The following DZIP3 variants were observed in gnomAD, a reference collection of about 807,000 sequenced individuals.
DZIP3 encodes E3 ubiquitin-protein ligase DZIP3.
In DZIP3, 118 loss-of-function variants were observed where a neutral mutation model predicts 162.0. The ratio of observed to expected loss-of-function variants is 0.73; its 90% confidence interval spans 0.63 to 0.85. DZIP3 has a LOEUF of 0.85. Ranked by LOEUF, DZIP3 falls within the 40% of genes least tolerant of loss-of-function variation. DZIP3 has a pLI of 0.00. For synonymous variants in DZIP3, 438 were observed against 458.6 expected, an observed-to-expected ratio of 0.96 and a Z score of 0.57; for missense variants, 1,331 against 1,407.0, an observed-to-expected ratio of 0.95 and a Z score of 0.86.
chr3:108,656,712 G>A lies in DZIP3; in HGVS notation c.2199+2402G>A, dbSNP rs536570744. On this transcript the variant is annotated intron_variant, in intron 19 of 32. Transcript: ENST00000361582. ...TACTCCGAGCTAAAGGAGGAAGTTCGAACCCATGGCAAAGAAATTAAAAAC... is the reference window on the plus strand; with the variant it reads ...TACTCCGAGCTAAAGGAGGAAGTTCAAACCCATGGCAAAGAAATTAAAAAC... 4.6e-5 allele frequency among the ~76,000 whole-genome samples: 7 copies of A among 152,172 alleles called. No individual in the cohort carries two copies. The East Asian group carries it at 7.7e-4, about 17-fold the overall frequency.
At chr3:108,652,836 C>G (rs76226638) in intron 18 of DZIP3, among the ~76,000 whole-genome samples, 1 of 151,650 alleles carries the variant, frequency 6.6e-6, no homozygotes, top group African/African-American at 2.4e-5. Context: ...GTATTCAGTA[C>G]AGTAATATGC....
intron 12 of DZIP3, among the ~76,000 whole-genome samples, chr3:108,641,331 T>C (rs553620728): frequency 2.4e-4 from 36 of 152,320 alleles, no homozygotes; most frequent in African/African-American, 8.4e-4. Flanking sequence ...AACATTTGTT[T>C]TATGCATTTT....
rs954615883 is a variant in DZIP3 at position 108,662,210 on chromosome 3, C to T, written c.2376C>T (p.Ile792=). ...AGATTAAAAAGAAAGACAAAATTAT[C>T]GCATCTCTTAATCAACAAGTTGCTT... ...QMQIKKKDKI[I]ASLNQQVAFG... is the part of the protein sequence containing the mutation. The change falls in exon 21 of 33, where the codon ATC becomes ATT. Residue 792 remains isoleucine, a synonymous_variant. Coordinates refer to ENST00000361582, the MANE Select transcript of DZIP3 (RefSeq NM_014648.4). 5 of 1,606,178 alleles carry T rather than the reference C, an allele frequency of 3.1e-6. No homozygotes were observed. Among genetic ancestry groups the T allele is most frequent in the African/African-American group, 1.3e-5 (1 of 74,342 alleles).
intron 19 of DZIP3, among the ~76,000 whole-genome samples, chr3:108,659,809 T>C (rs1286746523): frequency 6.6e-6 from 1 of 152,192 alleles, no homozygotes; most frequent in Non-Finnish European, 1.5e-5. Context: ...ATAAAATCAA[T>C]GTGCAAAAAT....
chr3:108,623,640 C>T (rs1941468332), intron 5 of DZIP3, among the ~76,000 whole-genome samples: 4 of 152,192 alleles, frequency 2.6e-5, no homozygotes, highest in Admixed American at 2.6e-4. Context: ...TTGCCTGCCC[C>T]ATCTGGTATC....
At chr3:108,677,398 CTTGTATG>C (rs1944153323) in intron 25 of DZIP3, 92 bp from the exon 26 acceptor site, 2 of 952,658 alleles carry the variant, frequency 2.1e-6, no homozygotes, top group Non-Finnish European at 3.3e-6. Context: ...GGCAACCACT[CTTGTATG>C]TTGTATTATT....
At chr3:108,611,902 T>C (rs1576356767) in intron 4 of DZIP3, among the ~76,000 whole-genome samples, 1 of 149,114 alleles carries the variant, frequency 6.7e-6, no homozygotes, top group East Asian at 2.0e-4. Flanking sequence ...GAGGTGGAGG[T>C]ACAGTGAGCC....
chr3:108,646,470 C>G, intron 14 of DZIP3, 147 bp from the exon 15 acceptor site: 1 of 649,058 alleles, frequency 1.5e-6, no homozygotes, highest in South Asian at 1.7e-5. Context: ...CTTGTCTAAA[C>G]TGGATTGATG....
intron 2 of DZIP3, among the ~76,000 whole-genome samples, chr3:108,607,177 G>GT (rs1252012800): frequency 6.6e-6 from 1 of 152,096 alleles, no homozygotes; most frequent in East Asian, 1.9e-4. Flanking sequence ...GTTGGCATGT[G>GT]TATATCATCT....
chr3:108,591,157 G>C (rs62266403), intron 1 of DZIP3, among the ~76,000 whole-genome samples: 276 of 152,334 alleles, frequency 1.8e-3, no homozygotes, highest in Admixed American at 3.1e-3. Flanking sequence ...TTTTTAGATA[G>C]AGGAAATGGC....
chr3:108,596,548 G>T (rs1040687726), intron 1 of DZIP3, among the ~76,000 whole-genome samples: 2 of 152,146 alleles, frequency 1.3e-5, no homozygotes, highest in African/African-American at 2.4e-5. Flanking sequence ...CTGTCTTGAC[G>T]CCATGGTTGC....
At chr3:108,627,485 A>G (rs1485274296) in intron 7 of DZIP3, among the ~76,000 whole-genome samples, 3 of 152,304 alleles carry the variant, frequency 2.0e-5, no homozygotes, top group East Asian at 3.9e-4. Context: ...TAGTAAGTCA[A>G]TTCTAACCTT....
intron 4 of DZIP3, among the ~76,000 whole-genome samples, chr3:108,612,277 C>A (rs1031745648): frequency 6.6e-6 from 1 of 152,012 alleles, no homozygotes; most frequent in Non-Finnish European, 1.5e-5. Flanking sequence ...ATGGTTATTT[C>A]CATGAAACAC....
chr3:108,670,514 C>G (rs948932548), intron 22 of DZIP3, among the ~76,000 whole-genome samples: 2 of 151,630 alleles, frequency 1.3e-5, no homozygotes, highest in Non-Finnish European at 2.9e-5. Flanking sequence ...TTGGCTATAC[C>G]TTATTTTATT....
intron 26 of DZIP3, among the ~76,000 whole-genome samples, chr3:108,682,312 A>G (rs1576467873): frequency 1.3e-5 from 2 of 151,092 alleles, no homozygotes; most frequent in South Asian, 4.1e-4. Flanking sequence ...TCCTGAAGAG[A>G]CACCTGCACT....
At chr3:108,685,236 C>G (rs368131901) in intron 27 of DZIP3, among the ~76,000 whole-genome samples, 10 of 152,190 alleles carry the variant, frequency 6.6e-5, no homozygotes, top group East Asian at 3.9e-4. Context: ...TTTGCTTGCC[C>G]ACCATTCTAT....
rs1421489288 is a variant in DZIP3 at position 108,605,605 on chromosome 3, A to G, written c.32+167A>G. Among the ~76,000 whole-genome samples, 3 of 152,170 alleles carry G rather than the reference A, an allele frequency of 2.0e-5. No individual in the cohort carries two copies. In the East Asian group the frequency reaches 5.8e-4, roughly 29 times the overall value. On this transcript the variant is annotated intron_variant, in intron 2 of 32. Coordinates refer to ENST00000361582, the MANE Select transcript of DZIP3 (RefSeq NM_014648.4). ...GGAGTGGGCAACTTAGATCCTTCAC[A>G]TGGGCAGTTCACAATAGAGTTTGCA...
chr3:108,692,004 C>T (rs759373906), intron 32 of DZIP3, among the ~76,000 whole-genome samples: 1 of 152,154 alleles, frequency 6.6e-6, no homozygotes, highest in Non-Finnish European at 1.5e-5. Context: ...AACACTCCCA[C>T]ATGTGCGAAC....
intron 1 of DZIP3, chr3:108,602,871 C>G (rs765757306): frequency 6.6e-6 from 1 of 152,176 alleles, no homozygotes; most frequent in Non-Finnish European, 1.5e-5. Context: ...ATGATTCTTT[C>G]TCCTGGAAAA....
Sources: gnomAD v4.1 joint callset for allele counts (sites outside exome capture counted in the v4.1 genomes callset) on GRCh38, gnomAD v4.1.1 for gene constraint, MANE v1.5 for transcripts, NCBI Gene and HGNC (gene_info 2026-07-23, HGNC 2026-07-21) for gene names.